Variants in RHOU observed in about 807,000 individuals in gnomAD.
RHOU encodes ras homolog family member U.
A neutral mutation model predicts 12.6 loss-of-function variants in RHOU; 8 were observed. That is an observed-to-expected ratio of 0.64 (90% CI 0.37 to 1.15). RHOU has a LOEUF of 1.15. Among genes scored for constraint, RHOU ranks in the 50% most tolerant of loss-of-function variants. The pLI, the probability that RHOU is intolerant of heterozygous loss-of-function variation, is 0.01. For missense variants in RHOU, 258 were observed against 347.0 expected (o/e 0.74, Z 2.04); for synonymous variants, 161 against 147.4 (o/e 1.09, Z -0.67).
the RHOU span, among the ~76,000 whole-genome samples, chr1:228,663,592 CTTTTCTG>C: frequency 2.2e-4 from 25 of 114,514 alleles, no homozygotes; most frequent in Admixed American, 5.1e-4. Context: ...TTTTATTTTT[CTTTTCTG>C]TTTTTCTTTT....
the RHOU span, among the ~76,000 whole-genome samples, chr1:228,697,933 G>A: frequency 1.3e-5 from 2 of 152,122 alleles, no homozygotes; most frequent in Admixed American, 1.3e-4. Flanking sequence ...CTACTTAATA[G>A]CAATCATTTA....
At chr1:228,696,569 C>T in the RHOU span, among the ~76,000 whole-genome samples, 1 of 151,710 alleles carries the variant, frequency 6.6e-6, no homozygotes, top group South Asian at 2.1e-4. Context: ...TTTTTTGAGA[C>T]AGAGTCTTGC....
chr1:228,717,191 T>A, the RHOU span, among the ~76,000 whole-genome samples: 142 of 152,318 alleles, frequency 9.3e-4, 1 homozygote, highest in Middle Eastern at 0.01. Flanking sequence ...ACAAAGAATT[T>A]GAGATCTTTC....
chr1:228,699,887 T>C, the RHOU span, among the ~76,000 whole-genome samples: 2 of 152,210 alleles, frequency 1.3e-5, no homozygotes, highest in South Asian at 2.1e-4. Flanking sequence ...AATCTCTCTA[T>C]AAATCTTTAG....
chr1:228,734,075 A>G (rs888910550), upstream of RHOU, among the ~76,000 whole-genome samples: 1 of 151,966 alleles, frequency 6.6e-6, no homozygotes. Context: ...GGTCTCCCCA[A>G]CTTCACTTTC....
the RHOU span, among the ~76,000 whole-genome samples, chr1:228,678,238 A>G: frequency 6.6e-6 from 1 of 152,232 alleles, no homozygotes; most frequent in Non-Finnish European, 1.5e-5. Context: ...TGTAACCTAC[A>G]TGGAAGAAGT....
At chr1:228,689,633 C>T in the RHOU span, among the ~76,000 whole-genome samples, 3 of 152,006 alleles carry the variant, frequency 2.0e-5, no homozygotes, top group Non-Finnish European at 4.4e-5. Flanking sequence ...AGTGGGTGAG[C>T]ATTACCACCT....
At chr1:228,715,750 G>A in the RHOU span, among the ~76,000 whole-genome samples, 95 of 151,808 alleles carry the variant, frequency 6.3e-4, no homozygotes, top group East Asian at 0.017. Context: ...ATTCCCAGGG[G>A]GAATTACTAA....
In RHOU at chr1:228,743,046, A is replaced by T. The variant is rs1447554587; in HGVS notation, c.322-239A>T. On this transcript the variant is annotated intron_variant, in intron 2 of 2. Transcript: ENST00000366691. The surrounding 1 kb of genome is among the most constrained non-coding windows in gnomAD (Gnocchi z 5.1). ...TTGAGTGTCGATGAACACGTTGAAC[A>T]TGTTTGGCAGTGTTCAGACCATAGC... Among the ~76,000 whole-genome samples, 1 of 152,152 alleles carries T rather than the reference A, an allele frequency of 6.6e-6. No individual in the cohort carries two copies. The highest frequency in any genetic ancestry group is 1.5e-5 in the Non-Finnish European group (1 of 68,024).
chr1:228,667,303 T>C, the RHOU span, among the ~76,000 whole-genome samples: 1 of 152,220 alleles, frequency 6.6e-6, no homozygotes, highest in African/African-American at 2.4e-5. Flanking sequence ...ATGTTACAGA[T>C]GTTTAAAGAA....
chr1:228,735,137 G>C (rs1272159959), upstream of RHOU: 1 of 152,260 alleles, frequency 6.6e-6, no homozygotes, highest in Non-Finnish European at 1.5e-5. This position sits in a 1 kb window ranked among gnomAD's most constrained non-coding sequence, Gnocchi z 8.1. Context: ...GCGCCAGAAA[G>C]CGGAACCTCC....
chr1:228,650,330 C>G, the RHOU span: 1 of 464,758 alleles, frequency 2.2e-6, no homozygotes, highest in Non-Finnish European at 4.3e-6. Context: ...GGCTGCCGGC[C>G]CTACCTGGCC....
At chr1:228,691,854 C>T in the RHOU span, among the ~76,000 whole-genome samples, 13 of 152,106 alleles carry the variant, frequency 8.5e-5, no homozygotes, top group African/African-American at 3.1e-4. Flanking sequence ...CCAAGGCAAC[C>T]GTTTCAAACG....
At chr1:228,706,439 C>G in the RHOU span, among the ~76,000 whole-genome samples, 176 of 152,260 alleles carry the variant, frequency 1.2e-3, 1 homozygote, top group Middle Eastern at 0.01. Context: ...GGGTGAGATG[C>G]GGAAACAGCT....
At chr1:228,711,492 A>G in the RHOU span, among the ~76,000 whole-genome samples, 2 of 152,126 alleles carry the variant, frequency 1.3e-5, no homozygotes, top group Non-Finnish European at 2.9e-5. Flanking sequence ...CAGAGCCCTC[A>G]GAAATAACGC....
At chr1:228,672,983 A>G in the RHOU span, among the ~76,000 whole-genome samples, 1 of 152,330 alleles carries the variant, frequency 6.6e-6, no homozygotes, top group Non-Finnish European at 1.5e-5. Context: ...CTTCTTGTCT[A>G]GTGGCACAAG....
the RHOU span, among the ~76,000 whole-genome samples, chr1:228,686,960 G>A: frequency 8.9e-4 from 136 of 152,000 alleles, no homozygotes; most frequent in African/African-American, 3.1e-3. Flanking sequence ...GGCTGGTCTC[G>A]AACTCCTGAC....
At chr1:228,687,840 T>C in the RHOU span, 1 of 1,189,878 alleles carries the variant, frequency 8.4e-7, no homozygotes, top group East Asian at 2.3e-5. Flanking sequence ...CTCAGGCTAA[T>C]TTCCACATAG....
At chr1:228,693,972 G>A in the RHOU span, among the ~76,000 whole-genome samples, 1 of 152,184 alleles carries the variant, frequency 6.6e-6, no homozygotes, top group Non-Finnish European at 1.5e-5. Flanking sequence ...GATTGTCCAT[G>A]TTCTACAAAT....
Sources: gnomAD v4.1 joint callset for allele counts (sites outside exome capture counted in the v4.1 genomes callset) on GRCh38, gnomAD v4.1.1 for gene constraint, Gnocchi (gnomAD v3.1) non-coding constraint, MANE v1.5 for transcripts, NCBI Gene and HGNC (gene_info 2026-07-23, HGNC 2026-07-21) for gene names.